Variants in MTG1 observed in about 807,000 individuals in gnomAD.
MTG1 encodes the protein mitochondrial ribosome associated GTPase 1, also known as mitochondrial ribosome-associated GTPase 1.
A neutral mutation model predicts 39.5 loss-of-function variants in MTG1; 30 were observed. The observed-to-expected ratio is 0.76, with a 90% CI of 0.57 to 1.03. The LOEUF (loss-of-function observed/expected upper bound fraction) is 1.03. Ranked by LOEUF, MTG1 falls within the 50% of genes least tolerant of loss-of-function variation. The pLI, the probability that MTG1 is intolerant of heterozygous loss-of-function variation, is 0.00. For synonymous variants in MTG1, 217 were observed against 179.0 expected, an observed-to-expected ratio of 1.21 and a Z score of -1.69; for missense variants, 513 against 447.4, an observed-to-expected ratio of 1.15 and a Z score of -1.32.
In MTG1 at chr10:133,399,217, C is replaced by T; in HGVS notation, c.411C>T (p.His137=). 1 of 1,614,142 alleles carries T rather than the reference C, an allele frequency of 6.2e-7. No individual in the cohort carries two copies. Among genetic ancestry groups the T allele is most frequent in the Non-Finnish European group, 8.5e-7 (1 of 1,180,040 alleles). The change falls in exon 5 of 11, where the codon CAC becomes CAT. Residue 137 remains histidine (H), a synonymous_variant. Transcript: ENST00000317502. The part of the protein sequence containing the change: ...TELIGRSHRY[H]RKENLEYCIM... The stretch of plus-strand genomic sequence containing the variant: ...TGATTGGGAGAAGCCACCGCTACCA[C>T]CGAAAAGAGGTTGGTTGGTGGGGCC...
chr10:133,415,220 G>A (rs1362825259), intron 9 of MTG1, among the ~76,000 whole-genome samples: 12 of 151,772 alleles, frequency 7.9e-5, no homozygotes, highest in South Asian at 2.1e-4. Flanking sequence ...GAGAGGGAGC[G>A]GGAGCGGGCG....
intron 9 of MTG1, among the ~76,000 whole-genome samples, chr10:133,406,960 C>A (rs1806762235): frequency 6.6e-6 from 1 of 152,068 alleles, no homozygotes; most frequent in South Asian, 2.1e-4. Flanking sequence ...GTCTTTAATC[C>A]CTTTTGATTT....
chr10:133,418,215 C>T (rs1177363138), intron 9 of MTG1, among the ~76,000 whole-genome samples: 7 of 152,224 alleles, frequency 4.6e-5, no homozygotes, highest in Non-Finnish European at 8.8e-5. Flanking sequence ...TATTGGTGAA[C>T]AGGCTGGTGT....
Position 133,394,178 on chromosome 10 carries a change from A to AGAG in MTG1, c.-38_-36dup. 1 of 1,428,870 alleles carries AGAG rather than the reference A, an allele frequency of 7.0e-7. No individual in the cohort carries two copies. 88.5% of individuals were successfully genotyped at this position (1,428,870 alleles called of 1,614,324 possible). ...CCTCAGAGGCGGGTCGCAGCGGCGC[A>AGAG]GAGGAGGTCAGCTGCGGGAGCGTTT... On this transcript the variant is annotated 5_prime_UTR_variant, in exon 1 of 11. Coordinates refer to ENST00000317502, the MANE Select transcript of MTG1 (RefSeq NM_138384.4).
intron 6 of MTG1, among the ~76,000 whole-genome samples, chr10:133,400,198 A>AAAAAG (rs1227155138): frequency 6.6e-6 from 1 of 152,222 alleles, no homozygotes; most frequent in Non-Finnish European, 1.5e-5. Flanking sequence ...TCTCAAAAAA[A>AAAAAG]AAAAGAAAAG....
chr10:133,409,069 CTTCTT>C (rs1321446822), intron 9 of MTG1, among the ~76,000 whole-genome samples: 1 of 150,358 alleles, frequency 6.7e-6, no homozygotes, highest in Non-Finnish European at 1.5e-5. Flanking sequence ...TGTTATTTCT[CTTCTT>C]CTACTAATTT....
intron 1 of MTG1, 194 bp downstream of exon 1, chr10:133,394,526 C>T: frequency 7.5e-7 from 1 of 1,340,664 alleles, no homozygotes; most frequent in South Asian, 1.8e-5. Flanking sequence ...TGCGCAGCTG[C>T]GGGAGAGGCC....
intron 1 of MTG1, 78 bp downstream of exon 1, chr10:133,394,410 G>A: frequency 1.5e-6 from 2 of 1,350,004 alleles, no homozygotes; most frequent in South Asian, 3.1e-5. Context: ...GGTTTCGGCC[G>A]TCGCCTGCTT....
At position 133,401,508 on chromosome 10, in the gene MTG1, C is replaced by T. The variant is rs372841997; in HGVS notation, c.512-21C>T. On this transcript the variant is annotated intron_variant, in intron 6 of 10. Transcript: ENST00000317502. Reference sequence around the variant, plus strand: ...CTGTGTTTAGTATACATTTGAGCCTCCTTTTCTCCTTTTCCTACAGGGAAA... The same window carrying T: ...CTGTGTTTAGTATACATTTGAGCCTTCTTTTCTCCTTTTCCTACAGGGAAA... 4.5e-6 allele frequency: 7 copies of T among 1,546,712 alleles called. No individual in the cohort carries two copies. In the African/African-American group the frequency reaches 6.9e-5, roughly 15 times the overall value.
chr10:133,419,596 A>T lies in MTG1; in HGVS notation c.865+4A>T, dbSNP rs1350140181. ...GTGAAGGTGCTCACGGGCACGGGTG[A>T]GTGAGGTCGCTGATGCGGGCACCGG... On this transcript the variant is annotated splice_donor_region_variant and intron_variant, in intron 10 of 10. Coordinates refer to ENST00000317502, the MANE Select transcript of MTG1 (RefSeq NM_138384.4). 2 of 1,593,710 alleles carry T rather than the reference A, an allele frequency of 1.3e-6. No homozygotes were observed. Among genetic ancestry groups the T allele is most frequent in the African/African-American group, 2.7e-5 (2 of 74,614 alleles).
chr10:133,413,981 C>T (rs1850084464), intron 9 of MTG1, among the ~76,000 whole-genome samples: 1 of 146,248 alleles, frequency 6.8e-6, no homozygotes, highest in Non-Finnish European at 1.5e-5. Context: ...TTGGCAGGGT[C>T]ACAGGACAAT....
At chr10:133,418,329 C>T (rs928872875) in intron 9 of MTG1, among the ~76,000 whole-genome samples, 9 of 152,198 alleles carry the variant, frequency 5.9e-5, no homozygotes, top group East Asian at 1.9e-4. Flanking sequence ...TTTTGAGTTT[C>T]ACCTTGTTAG....
At chr10:133,397,458 A>G (rs1022315762) in intron 3 of MTG1, among the ~76,000 whole-genome samples, 1 of 145,998 alleles carries the variant, frequency 6.8e-6, no homozygotes, top group African/African-American at 2.6e-5. Flanking sequence ...CTTTTCTTTT[A>G]TCTCTTTGTC....
chr10:133,415,707 C>CTT, intron 9 of MTG1, among the ~76,000 whole-genome samples: 1 of 152,322 alleles, frequency 6.6e-6, no homozygotes, highest in South Asian at 2.1e-4. Context: ...GTTCCTTGTG[C>CTT]TTGTAGTTCA....
At chr10:133,408,227 G>T (rs1211966553) in intron 9 of MTG1, among the ~76,000 whole-genome samples, 1 of 152,098 alleles carries the variant, frequency 6.6e-6, no homozygotes, top group Non-Finnish European at 1.5e-5. Context: ...ATTGTTTTGA[G>T]GTGTGTTCCT....
intron 9 of MTG1, among the ~76,000 whole-genome samples, chr10:133,408,846 A>C (rs763776631): frequency 6.6e-6 from 1 of 152,162 alleles, no homozygotes; most frequent in Non-Finnish European, 1.5e-5. Flanking sequence ...AGTTGTTCGT[A>C]GTAGTCCCTA....
intron 9 of MTG1, among the ~76,000 whole-genome samples, chr10:133,410,633 C>T (rs148230626): frequency 2.0e-4 from 31 of 152,228 alleles, no homozygotes; most frequent in African/African-American, 7.2e-4. Context: ...TTTAGCTGGG[C>T]GTGGTGCTCT....
chr10:133,407,849 C>A (rs977160617), intron 9 of MTG1, among the ~76,000 whole-genome samples: 8 of 152,316 alleles, frequency 5.3e-5, no homozygotes, highest in African/African-American at 1.9e-4. Context: ...GGATTACAGG[C>A]GTGAGCCACC....
Position 133,420,509 on chromosome 10 carries a change from C to T in MTG1, c.*344C>T, listed in dbSNP as rs1850214220. On this transcript the variant is annotated 3_prime_UTR_variant, in exon 11 of 11. Coordinates refer to ENST00000317502, the MANE Select transcript of MTG1 (RefSeq NM_138384.4). ...AAATCTCCAGTTAAAGGGCCTGTTT[C>T]TTACTGGCCTGTGAGGTGCACCGTA... 1 of 244,002 alleles carries T rather than the reference C, an allele frequency of 4.1e-6. No individual in the cohort carries two copies. Among genetic ancestry groups the T allele is most frequent in the Admixed American group, 5.5e-5 (1 of 18,180 alleles). The allele number at this position is 244,002 out of a possible 1,614,324, so 15.1% of individuals were successfully genotyped here. A position where few individuals can be genotyped will look rare whatever the true frequency, so the allele number is the denominator to read the frequency against.
Sources: allele counts gnomAD v4.1 joint callset (sites outside exome capture counted in the v4.1 genomes callset), GRCh38; gene constraint gnomAD v4.1.1; transcripts MANE v1.5; gene names NCBI Gene and HGNC (gene_info 2026-07-23, HGNC 2026-07-21).